CA10: variants seen among roughly 807,000 people sequenced by gnomAD.
CA10 encodes carbonic anhydrase 10 (inactive).
A neutral mutation model predicts 44.2 loss-of-function variants in CA10; 14 were observed. That is an observed-to-expected ratio of 0.32 (90% CI 0.21 to 0.50). The LOEUF (loss-of-function observed/expected upper bound fraction) is 0.50, where lower values mean the gene tolerates loss of function less well. Ranked by LOEUF, CA10 falls within the 20% of genes least tolerant of loss-of-function variation. The pLI is 0.99. For synonymous variants in CA10, 159 were observed against 141.6 expected, an observed-to-expected ratio of 1.12 and a Z score of -0.87; for missense variants, 350 against 409.7, an observed-to-expected ratio of 0.85 and a Z score of 1.26.
chr17:52,123,913 G>A (rs1462727367), intron 1 of CA10, among the ~76,000 whole-genome samples: 1 of 152,050 alleles, frequency 6.6e-6, no homozygotes, highest in African/African-American at 2.4e-5. Flanking sequence ...AGACCCTTGG[G>A]ACCCTGTTTA....
chr17:51,737,895 G>A (rs1032794833), intron 4 of CA10, among the ~76,000 whole-genome samples: 1 of 152,276 alleles, frequency 6.6e-6, no homozygotes, highest in African/African-American at 2.4e-5. Flanking sequence ...GATTTATAGA[G>A]GCTGACTGTG....
intron 4 of CA10, among the ~76,000 whole-genome samples, chr17:51,701,809 A>G (rs1915612772): frequency 6.6e-6 from 1 of 152,200 alleles, no homozygotes; most frequent in Admixed American, 6.5e-5. Flanking sequence ...CCATTTACCT[A>G]GAGGCTGCCA....
intron 3 of CA10, among the ~76,000 whole-genome samples, chr17:51,751,585 C>T (rs1239473569): frequency 6.6e-6 from 1 of 152,136 alleles, no homozygotes; most frequent in Non-Finnish European, 1.5e-5. Context: ...GAAGGATTCT[C>T]GTTGATCTTT....
intron 6 of CA10, among the ~76,000 whole-genome samples, chr17:51,648,768 A>G (rs1913439372): frequency 6.6e-6 from 1 of 152,194 alleles, no homozygotes; most frequent in Admixed American, 6.5e-5. Flanking sequence ...CCAGCCACAC[A>G]CAGAGAAATG....
intron 3 of CA10, among the ~76,000 whole-genome samples, chr17:51,774,121 C>T (rs574296752): frequency 1.3e-5 from 2 of 152,282 alleles, no homozygotes; most frequent in East Asian, 1.9e-4. Context: ...TTGTCAAGAA[C>T]ATTCTCCAAA....
intron 4 of CA10, among the ~76,000 whole-genome samples, chr17:51,711,989 T>A (rs1304475835): frequency 6.7e-6 from 1 of 149,936 alleles, no homozygotes; most frequent in East Asian, 1.9e-4. Context: ...GAGGTCTACA[T>A]GACTGGACCA....
intron 1 of CA10, among the ~76,000 whole-genome samples, chr17:52,118,969 C>G (rs879405990): frequency 6.6e-6 from 1 of 152,080 alleles, no homozygotes; most frequent in Non-Finnish European, 1.5e-5. Context: ...TCATGAAGAG[C>G]TGAAATGTTC....
chr17:51,737,880 G>A (rs1350019076), intron 4 of CA10, among the ~76,000 whole-genome samples: 1 of 152,144 alleles, frequency 6.6e-6, no homozygotes, highest in African/African-American at 2.4e-5. Flanking sequence ...GCAGAGATGG[G>A]GATAGATTTA....
intron 4 of CA10, among the ~76,000 whole-genome samples, chr17:51,680,755 T>C (rs1264437709): frequency 6.6e-6 from 1 of 152,148 alleles, no homozygotes; most frequent in Non-Finnish European, 1.5e-5. Context: ...AATAACATGC[T>C]CAGTCTGAGG....
chr17:51,950,387 T>TC (rs1209083603), intron 2 of CA10, among the ~76,000 whole-genome samples: 8 of 152,238 alleles, frequency 5.3e-5, no homozygotes, highest in African/African-American at 1.9e-4. Flanking sequence ...TCAACTGGGC[T>TC]CCCCTGAATT....
At chr17:51,856,944 G>A (rs79913477) in intron 3 of CA10, among the ~76,000 whole-genome samples, 3 of 152,144 alleles carry the variant, frequency 2.0e-5, no homozygotes, top group East Asian at 1.9e-4. Context: ...CAGAGTGAAC[G>A]GTGGCTGAAT....
rs1904614179 is a variant in CA10, at chr17:51,744,769, T to C, written c.465+2864A>G. ...AGCTACCACCCATTGGCCATAGGTG[T>C]CTTCCCTTATGCTACACAGAAGATG... On this transcript the variant is annotated intron_variant, in intron 4 of 8. Coordinates refer to ENST00000451037, the MANE Select transcript of CA10 (RefSeq NM_020178.5). Among the ~76,000 whole-genome samples the C allele has an allele frequency of 2.6e-5, 4 of 152,168 alleles. 1 individual carries two copies. The South Asian group carries it at 8.3e-4, about 32-fold the overall frequency.
intron 2 of CA10, among the ~76,000 whole-genome samples, chr17:51,966,126 C>CA (rs1567903174): frequency 6.6e-6 from 1 of 151,222 alleles, no homozygotes; most frequent in African/African-American, 2.4e-5. Flanking sequence ...AATAGCCATA[C>CA]AAAAAACACC....
At chr17:52,064,681 C>A (rs1003190194) in intron 2 of CA10, among the ~76,000 whole-genome samples, 1 of 151,920 alleles carries the variant, frequency 6.6e-6, no homozygotes, top group Admixed American at 6.6e-5. Flanking sequence ...TTAAAACTAC[C>A]CAAAAAGAAA....
chr17:51,836,828 C>T (rs972582722), intron 3 of CA10, among the ~76,000 whole-genome samples: 1 of 151,930 alleles, frequency 6.6e-6, no homozygotes, highest in Non-Finnish European at 1.5e-5. Context: ...GGTGTGGGTA[C>T]AGTAAATACT....
intron 2 of CA10, among the ~76,000 whole-genome samples, chr17:52,029,518 C>G (rs1313205972): frequency 6.9e-6 from 1 of 145,602 alleles, no homozygotes; most frequent in South Asian, 2.4e-4. Flanking sequence ...TCACCCCCAA[C>G]CCCACCACCC....
intron 2 of CA10, among the ~76,000 whole-genome samples, chr17:51,932,701 A>G (rs1358834667): frequency 1.3e-5 from 2 of 152,124 alleles, no homozygotes; most frequent in Non-Finnish European, 2.9e-5. Context: ...AAAGAGGAGG[A>G]GGAGGAAGAG....
chr17:51,884,464 T>A (rs2143894461), intron 3 of CA10, among the ~76,000 whole-genome samples: 1 of 152,242 alleles, frequency 6.6e-6, no homozygotes, highest in South Asian at 2.1e-4. Context: ...CTTGGGCTAT[T>A]CTCCCCTGCA....
intron 4 of CA10, among the ~76,000 whole-genome samples, chr17:51,728,374 A>G (rs1395119093): frequency 6.6e-6 from 1 of 151,982 alleles, no homozygotes; most frequent in African/African-American, 2.4e-5. Flanking sequence ...TACTTTTTCT[A>G]CTACTGTCCT....
Sources: allele counts gnomAD v4.1 joint callset (sites outside exome capture counted in the v4.1 genomes callset), GRCh38; gene constraint gnomAD v4.1.1; transcripts MANE v1.5; gene names NCBI Gene and HGNC (gene_info 2026-07-23, HGNC 2026-07-21).